Variants in GFRA2 observed in about 807,000 individuals in gnomAD.
GFRA2 encodes GDNF family receptor alpha-2.
Under a neutral mutation model 48.3 loss-of-function variants are expected in GFRA2, and 17 were observed. The ratio of observed to expected loss-of-function variants is 0.35; its 90% CI spans 0.24 to 0.53. The LOEUF is 0.53. Among genes scored for constraint, GFRA2 ranks in the 20% least tolerant of loss-of-function variants. The probability of loss-of-function intolerance (pLI) is 0.93; values close to 1 mark genes in which losing one functional copy is unlikely to be tolerated. For missense variants in GFRA2, 660 were observed against 637.3 expected, an observed-to-expected ratio of 1.04 and a Z score of -0.38; for synonymous variants, 305 against 257.2, an observed-to-expected ratio of 1.19 and a Z score of -1.78.
At chr8:21,748,321 T>A (rs977131875) in intron 4 of GFRA2, among the ~76,000 whole-genome samples, 6 of 152,042 alleles carry the variant, frequency 3.9e-5, no homozygotes, top group Non-Finnish European at 7.4e-5. Context: ...ATTACTCAAC[T>A]AGGAAACATG....
At chr8:21,804,557 C>T (rs1807826597) in intron 2 of GFRA2, among the ~76,000 whole-genome samples, 1 of 152,034 alleles carries the variant, frequency 6.6e-6, no homozygotes, top group African/African-American at 2.4e-5. Flanking sequence ...GAGGAGTCTT[C>T]CTCACACCCC....
chr8:21,729,609 A>T (rs1312895974), intron 4 of GFRA2, among the ~76,000 whole-genome samples: 1 of 152,206 alleles, frequency 6.6e-6, no homozygotes, highest in Non-Finnish European at 1.5e-5. Context: ...AGGAGCACCT[A>T]CAATGTTGTC....
chr8:21,755,242 G>C (rs1023792608), intron 3 of GFRA2, among the ~76,000 whole-genome samples: 3 of 152,048 alleles, frequency 2.0e-5, no homozygotes, highest in Non-Finnish European at 4.4e-5. Context: ...TGTCAATGTA[G>C]GTTCAAGAAT....
At chr8:21,780,976 A>C (rs1055542439) in intron 2 of GFRA2, 1 of 152,128 alleles carries the variant, frequency 6.6e-6, no homozygotes, top group Admixed American at 6.5e-5. Context: ...ATATTTAAAA[A>C]TTAGCTGGGT....
chr8:21,722,158 T>C (rs1449280987), intron 4 of GFRA2, among the ~76,000 whole-genome samples: 6 of 152,084 alleles, frequency 3.9e-5, no homozygotes, highest in African/African-American at 1.4e-4. Flanking sequence ...ATTCAGAAAT[T>C]AATTACACAC....
chr8:21,790,963 C>G (rs1021556723), upstream of GFRA2, among the ~76,000 whole-genome samples: 496 of 152,194 alleles, frequency 3.3e-3, 3 homozygotes, highest in Non-Finnish European at 5.8e-3. Flanking sequence ...GAATGTCCCC[C>G]CTCTCATCTC....
chr8:21,776,965 A>C (rs1184489553), intron 2 of GFRA2, among the ~76,000 whole-genome samples: 1 of 152,208 alleles, frequency 6.6e-6, no homozygotes, highest in Non-Finnish European at 1.5e-5. Context: ...TTAGGAAATC[A>C]CTTTTACAAT....
intron 2 of GFRA2, among the ~76,000 whole-genome samples, chr8:21,798,673 T>C (rs1302116780): frequency 6.6e-6 from 1 of 152,184 alleles, no homozygotes; most frequent in African/African-American, 2.4e-5. Context: ...TAAGAACCTG[T>C]TGACTTTTCC....
At position 21,788,293 on chromosome 8, in the gene GFRA2, C is replaced by A. The variant is rs1807386767; in HGVS notation, c.-134G>T. 8 of 1,384,876 alleles carry A rather than the reference C, an allele frequency of 5.8e-6. No homozygotes were observed. Among genetic ancestry groups the A allele is most frequent in the Non-Finnish European group, 5.6e-6 (6 of 1,065,812 alleles). 85.8% of individuals were successfully genotyped at this position (1,384,876 alleles called of 1,614,324 possible). On this transcript the variant is annotated 5_prime_UTR_variant, in exon 1 of 9. Coordinates refer to ENST00000524240, the MANE Select transcript of GFRA2 (RefSeq NM_001495.5). Reference sequence around the variant, plus strand: ...CAATGCGGAGATCCCAGCTAGTCCACCCGATGAAGATCCCGAGTCCTGCGA... The same window carrying A: ...CAATGCGGAGATCCCAGCTAGTCCAACCGATGAAGATCCCGAGTCCTGCGA...
chr8:21,796,862 C>T (rs984245768), intron 2 of GFRA2, among the ~76,000 whole-genome samples: 4 of 152,216 alleles, frequency 2.6e-5, no homozygotes, highest in African/African-American at 9.7e-5. Context: ...CCCTCCATGA[C>T]AACAATAATG....
Position 21,782,834 on chromosome 8 carries a change from G to C in GFRA2, c.106C>G (p.Pro36Ala). The C allele has an allele frequency of 1.3e-6, 2 of 1,571,316 alleles. No individual in the cohort carries two copies. The highest frequency in any genetic ancestry group is 8.6e-7 in the Non-Finnish European group (1 of 1,165,244). ...TTGGCCCGGACACAGTCCACTGGGG[G>C]GCGCCAGCCGTGGAGCTCGGGGCCC... ...LQGPELHGWR[P>A]PVDCVRANEL... The change falls in exon 2 of 9, where the codon CCC (proline) becomes GCC (alanine). Residue 36 changes from proline (P) to alanine (A), a missense_variant. Coordinates refer to ENST00000524240, the MANE Select transcript of GFRA2 (RefSeq NM_001495.5).
chr8:21,701,388 C>T (rs974619965), intron 7 of GFRA2, among the ~76,000 whole-genome samples: 1 of 152,048 alleles, frequency 6.6e-6, no homozygotes, highest in Non-Finnish European at 1.5e-5. Context: ...TGCGAGACTC[C>T]GTCTCAAAAA....
At chr8:21,754,103 T>G (rs938392467) in intron 3 of GFRA2, among the ~76,000 whole-genome samples, 4 of 152,226 alleles carry the variant, frequency 2.6e-5, no homozygotes, top group Non-Finnish European at 4.4e-5. Context: ...GCACATTCCA[T>G]GTACCCCTAC....
rs1422989810 is a variant in GFRA2, at chr8:21,788,213, ATAG to A, written c.-57_-55del. 3.2e-5 allele frequency: 51 copies of A among 1,590,834 alleles called. No individual in the cohort carries two copies. The African/African-American group carries it at 6.0e-4, about 19-fold the overall frequency. On this transcript the variant is annotated 5_prime_UTR_variant, in exon 1 of 9. Transcript: ENST00000524240. ...TTTCTCCCTTGGGTAAAAAAAAATA[ATAG>A]TAGTAACAACAACAATAATAATAGG...
intron 4 of GFRA2, among the ~76,000 whole-genome samples, chr8:21,744,550 A>AACACAC (rs71721911): frequency 0.053 from 7,489 of 140,154 alleles, 463 homozygotes; most frequent in African/African-American, 0.16. Flanking sequence ...AACCACCACC[A>AACACAC]ACACACACAC....
intron 3 of GFRA2, among the ~76,000 whole-genome samples, chr8:21,762,164 T>A (rs531070314): frequency 3.9e-5 from 6 of 152,032 alleles, no homozygotes; most frequent in African/African-American, 1.4e-4. Context: ...CTCTGCTCCA[T>A]CCCAAGCAAG....
chr8:21,729,533 C>A (rs1446538378), intron 4 of GFRA2, among the ~76,000 whole-genome samples: 1 of 152,154 alleles, frequency 6.6e-6, no homozygotes, highest in African/African-American at 2.4e-5. Flanking sequence ...CAGATTTCCC[C>A]TCTTCACATC....
chr8:21,736,318 AAAAT>A (rs879782616), intron 4 of GFRA2, among the ~76,000 whole-genome samples: 8 of 152,220 alleles, frequency 5.3e-5, no homozygotes, highest in Non-Finnish European at 1.0e-4. Context: ...GAGAGAAAAA[AAAAT>A]AGCCTACAAA....
intron 2 of GFRA2, among the ~76,000 whole-genome samples, chr8:21,798,692 C>G (rs1807719126): frequency 6.6e-6 from 1 of 152,190 alleles, no homozygotes; most frequent in African/African-American, 2.4e-5. Context: ...CCAGGCAGCC[C>G]ACATCCCATG....
Sources: gnomAD v4.1 joint callset for allele counts (sites outside exome capture counted in the v4.1 genomes callset) on GRCh38, gnomAD v4.1.1 for gene constraint, MANE v1.5 for transcripts, NCBI Gene and HGNC (gene_info 2026-07-23, HGNC 2026-07-21) for gene names.